The following MBNL2 variants were observed in gnomAD, a reference collection of about 807,000 sequenced individuals.
MBNL2 encodes muscleblind-like protein 2.
A neutral mutation model predicts 41.9 loss-of-function variants in MBNL2; 17 were observed. That is an observed-to-expected ratio of 0.41 (90% CI 0.28 to 0.61). The LOEUF (loss-of-function observed/expected upper bound fraction) is 0.61, where lower values mean the gene tolerates loss of function less well. Among genes scored for constraint, MBNL2 ranks in the 20% least tolerant of loss-of-function variants. The pLI is 0.35. For synonymous variants in MBNL2, 195 were observed against 182.9 expected, an observed-to-expected ratio of 1.07 and a Z score of -0.53; for missense variants, 336 against 505.6, an observed-to-expected ratio of 0.66 and a Z score of 3.22.
At chr13:97,163,268 G>A in the MBNL2 span, among the ~76,000 whole-genome samples, 2 of 152,086 alleles carry the variant, frequency 1.3e-5, no homozygotes, top group African/African-American at 4.8e-5. Flanking sequence ...GACAAATCGA[G>A]GTCCAGATAC....
chr13:97,180,876 G>A, the MBNL2 span, among the ~76,000 whole-genome samples: 1 of 152,054 alleles, frequency 6.6e-6, no homozygotes, highest in Admixed American at 6.5e-5. Context: ...CAGTTCTAAA[G>A]GTTAGAAGCC....
At chr13:97,290,731 C>G (rs1356367888) in intron 2 of MBNL2, among the ~76,000 whole-genome samples, 2 of 148,742 alleles carry the variant, frequency 1.3e-5, no homozygotes, top group African/African-American at 4.9e-5. Flanking sequence ...TCCCACCCAA[C>G]AATTATTTAT....
chr13:97,295,714 A>G (rs890160945), intron 2 of MBNL2, among the ~76,000 whole-genome samples: 4 of 152,218 alleles, frequency 2.6e-5, no homozygotes, highest in Non-Finnish European at 5.9e-5. Flanking sequence ...CGATGAGAGC[A>G]CAGTAACAGT....
At chr13:97,143,097 T>C in the MBNL2 span, among the ~76,000 whole-genome samples, 1 of 152,154 alleles carries the variant, frequency 6.6e-6, no homozygotes, top group Non-Finnish European at 1.5e-5. Context: ...GTGTTGTGGC[T>C]CCCTGCTATA....
the MBNL2 span, among the ~76,000 whole-genome samples, chr13:97,196,248 A>G: frequency 9.8e-5 from 15 of 152,306 alleles, no homozygotes; most frequent in Middle Eastern, 6.8e-3. Flanking sequence ...CCTATAATTC[A>G]CCAACAATTT....
chr13:97,194,618 A>T, the MBNL2 span, among the ~76,000 whole-genome samples: 1 of 152,214 alleles, frequency 6.6e-6, no homozygotes, highest in Non-Finnish European at 1.5e-5. Context: ...AGGATGAGAT[A>T]GGTCAGCAGG....
the MBNL2 span, among the ~76,000 whole-genome samples, chr13:97,153,324 T>C: frequency 1.1e-4 from 17 of 151,970 alleles, no homozygotes; most frequent in African/African-American, 3.9e-4. Flanking sequence ...TGTGTGAGTG[T>C]GTGTGTGTGT....
chr13:97,192,142 A>G, the MBNL2 span, among the ~76,000 whole-genome samples: 2 of 152,346 alleles, frequency 1.3e-5, no homozygotes, highest in East Asian at 1.9e-4. Flanking sequence ...AGAAACTCGT[A>G]TGAGAGAATA....
At position 97,268,103 on chromosome 13, in the gene MBNL2, T is replaced by TCC. The variant is rs200648177; in HGVS notation, c.-604-7529_-604-7528insCC. Among the ~76,000 whole-genome samples, 31 of 151,902 alleles carry TCC rather than the reference T, an allele frequency of 2.0e-4. No individual in the cohort carries two copies. The East Asian group carries it at 2.5e-3, about 12-fold the overall frequency. On this transcript the variant is annotated intron_variant, in intron 1 of 8. Coordinates refer to ENST00000679496, the MANE Select transcript of MBNL2 (RefSeq NM_001382683.1). The surrounding 1 kb of genome is among the most constrained non-coding windows in gnomAD (Gnocchi z 4.6). ...TTCCTTCCTTCCTTCCTTCCTTCCT[T>TCC]TCTTTCTTTTGAGACAGCGTCGCTC...
intron 5 of MBNL2, among the ~76,000 whole-genome samples, chr13:97,353,867 C>T (rs1157942146): frequency 6.6e-6 from 1 of 152,116 alleles, no homozygotes; most frequent in Non-Finnish European, 1.5e-5. Flanking sequence ...AAAGTCTGTA[C>T]AGGAACTTTG....
At chr13:97,151,528 C>A in the MBNL2 span, among the ~76,000 whole-genome samples, 2 of 152,172 alleles carry the variant, frequency 1.3e-5, no homozygotes, top group African/African-American at 4.8e-5. Context: ...AATTTGTAGT[C>A]ATTGCCAATT....
the MBNL2 span, among the ~76,000 whole-genome samples, chr13:97,142,875 C>A: frequency 6.6e-6 from 1 of 151,866 alleles, no homozygotes; most frequent in African/African-American, 2.4e-5. Flanking sequence ...TTTTAGTTTG[C>A]CTTGAGAAAA....
intron 1 of MBNL2, among the ~76,000 whole-genome samples, chr13:97,248,030 C>T (rs181547108): frequency 6.6e-6 from 1 of 152,264 alleles, no homozygotes; most frequent in Non-Finnish European, 1.5e-5. Flanking sequence ...TACTCCTTTC[C>T]ATATTTATTA....
chr13:97,330,387 C>G (rs1025852961), intron 2 of MBNL2, among the ~76,000 whole-genome samples: 5 of 152,320 alleles, frequency 3.3e-5, no homozygotes, highest in African/African-American at 9.6e-5. Context: ...CCATCTCCGT[C>G]TCCACCCCAC....
chr13:97,338,488 T>G (rs191680006), intron 3 of MBNL2, among the ~76,000 whole-genome samples: 161 of 152,308 alleles, frequency 1.1e-3, no homozygotes, highest in Middle Eastern at 6.8e-3. Context: ...AAATATTTAT[T>G]AAGGGAATGA....
chr13:97,341,885 C>T (rs971015506), intron 3 of MBNL2, among the ~76,000 whole-genome samples: 1 of 152,108 alleles, frequency 6.6e-6, no homozygotes, highest in Non-Finnish European at 1.5e-5. Context: ...GAATGTCACC[C>T]ACAATGTAGA....
chr13:97,372,391 G>C (rs1317367262), intron 8 of MBNL2, among the ~76,000 whole-genome samples: 1 of 151,998 alleles, frequency 6.6e-6, no homozygotes, highest in East Asian at 1.9e-4. Flanking sequence ...TTGGAAATTA[G>C]TTGATAATAT....
chr13:97,270,819 C>T (rs1439403357), intron 1 of MBNL2, among the ~76,000 whole-genome samples: 1 of 152,162 alleles, frequency 6.6e-6, no homozygotes, highest in Non-Finnish European at 1.5e-5. Context: ...CCTTACCCTC[C>T]ATTGCTCTTA....
chr13:97,172,937 C>T, the MBNL2 span: 2 of 152,180 alleles, frequency 1.3e-5, no homozygotes, highest in African/African-American at 2.4e-5. Context: ...TATGTAATTA[C>T]ACAAGTTGCA....
Sources: allele counts gnomAD v4.1 joint callset (sites outside exome capture counted in the v4.1 genomes callset), GRCh38; gene constraint gnomAD v4.1.1; non-coding constraint Gnocchi (gnomAD v3.1); transcripts MANE v1.5; gene names NCBI Gene and HGNC (gene_info 2026-07-23, HGNC 2026-07-21).